NCOR2: variants seen among roughly 807,000 people sequenced by gnomAD.
The protein encoded by NCOR2 is nuclear receptor corepressor 2.
A neutral mutation model predicts 262.9 loss-of-function variants in NCOR2; 81 were observed. The observed-to-expected ratio is 0.31, with a 90% confidence interval of 0.26 to 0.37. NCOR2 has a LOEUF of 0.37. NCOR2 is among the 10% of genes least tolerant of loss of function. NCOR2 has a pLI of 1.00. For synonymous variants in NCOR2, 1,659 were observed against 1,559.3 expected (o/e 1.06, Z -1.51); for missense variants, 3,385 against 3,621.4 (o/e 0.93, Z 1.68).
rs1271827357 is a variant in NCOR2, at chr12:124,337,192, G to T, written c.5688-12C>A. 7 of 1,545,808 alleles carry T rather than the reference G, an allele frequency of 4.5e-6. No homozygotes were observed. The South Asian group carries it at 8.4e-5, about 18-fold the overall frequency. ...AGGTGGAGGTGGACCTGGGGGAGGA[G>T]AGAAGGCGGTCAGGCAGTCATGGGA... is the stretch of plus-strand genomic sequence containing the variant. On this transcript the variant is annotated splice_polypyrimidine_tract_variant and intron_variant, in intron 37 of 46. Transcript: ENST00000405201.
chr12:124,515,115 T>C (rs76131601), intron 1 of NCOR2, among the ~76,000 whole-genome samples: 2,420 of 152,270 alleles, frequency 0.016, 60 homozygotes, highest in African/African-American at 0.056. Flanking sequence ...TCTGTGATCC[T>C]GAGGCACAAA....
chr12:124,491,222 GAC>G (rs1163176202), intron 1 of NCOR2, among the ~76,000 whole-genome samples: 5 of 152,244 alleles, frequency 3.3e-5, no homozygotes, highest in African/African-American at 1.2e-4. Context: ...CTTGGGGCAA[GAC>G]AGAAAAAGCT....
chr12:124,516,435 C>T (rs1431500235), intron 1 of NCOR2, among the ~76,000 whole-genome samples: 3 of 152,220 alleles, frequency 2.0e-5, no homozygotes, highest in Non-Finnish European at 4.4e-5. Flanking sequence ...AGCACCCACT[C>T]GACCTACCTC....
chr12:124,486,223 A>G (rs1487730581), intron 2 of NCOR2, among the ~76,000 whole-genome samples: 1 of 152,168 alleles, frequency 6.6e-6, no homozygotes, highest in Non-Finnish European at 1.5e-5. Context: ...GAGGCCACTG[A>G]AGTTCCACGC....
chr12:124,344,626 G>T (rs1455571371), exon 32 of NCOR2: 2 of 1,464,132 alleles, frequency 1.4e-6, no homozygotes, highest in Non-Finnish European at 9.1e-7. Flanking sequence ...GGGCTCCCGC[G>T]TGGTCACGGG....
chr12:124,460,224 C>A (rs193124404), intron 5 of NCOR2, among the ~76,000 whole-genome samples: 3 of 152,350 alleles, frequency 2.0e-5, no homozygotes, highest in African/African-American at 7.2e-5. Flanking sequence ...CCCACAGTGC[C>A]TGGACAGTGT....
intron 1 of NCOR2, among the ~76,000 whole-genome samples, chr12:124,515,607 G>A (rs2049695337): frequency 6.6e-6 from 1 of 151,992 alleles, no homozygotes; most frequent in Non-Finnish European, 1.5e-5. Context: ...GTGGGTGTCT[G>A]CATGTGAGTA....
chr12:124,398,268 G>A (rs1202633727), intron 15 of NCOR2, 87 bp from the exon 18 acceptor site: 8 of 1,434,176 alleles, frequency 5.6e-6, no homozygotes, highest in Non-Finnish European at 7.8e-6. Context: ...AGCCAGGGAG[G>A]GAGTAGACCA....
At chr12:124,479,501 GCATA>G (rs1565981690) in intron 3 of NCOR2, among the ~76,000 whole-genome samples, 1 of 148,958 alleles carries the variant, frequency 6.7e-6, no homozygotes, top group African/African-American at 2.5e-5. Flanking sequence ...GCACATGCGC[GCATA>G]CACACGCACA....
At chr12:124,372,119 T>A (rs1201300873) in exon 20 of NCOR2, 9 of 1,601,694 alleles carry the variant, frequency 5.6e-6, no homozygotes, top group Non-Finnish European at 7.6e-6. Context: ...TTGGCTGTGG[T>A]GGCCCTGCCG....
chr12:124,500,450 G>A (rs941296741), intron 1 of NCOR2, among the ~76,000 whole-genome samples: 4 of 152,206 alleles, frequency 2.6e-5, no homozygotes, highest in Admixed American at 2.0e-4. Context: ...TGCGGGCTTT[G>A]GTAAGGTTTC....
In NCOR2 at chr12:124,440,648, GAC is replaced by G. The variant is rs1341788054; in HGVS notation, c.816-2654_816-2653del. Among the ~76,000 whole-genome samples, 2 of 152,258 alleles carry G rather than the reference GAC, an allele frequency of 1.3e-5. No individual in the cohort carries two copies. The highest frequency in any genetic ancestry group is 4.8e-5 in the African/African-American group (2 of 41,474). ...GTGCTGGGGACACAGCAGGGAGCAA[GAC>G]ACAGTTGAGGGCTCTCACAGAGGTG... On this transcript the variant is annotated intron_variant, in intron 7 of 46. Coordinates refer to ENST00000405201, the Ensembl canonical transcript of NCOR2. This position sits in a 1 kb window ranked among gnomAD's most constrained non-coding sequence, Gnocchi z 5.7.
At chr12:124,377,649 A>C (rs1202449450) in intron 18 of NCOR2, among the ~76,000 whole-genome samples, 2 of 151,924 alleles carry the variant, frequency 1.3e-5, no homozygotes, top group Non-Finnish European at 2.9e-5. Context: ...GACCAGCCTG[A>C]CCAACATGGC....
At chr12:124,445,661 G>A (rs982083796) in intron 7 of NCOR2, among the ~76,000 whole-genome samples, 22 of 152,074 alleles carry the variant, frequency 1.4e-4, no homozygotes, top group African/African-American at 3.1e-4. Context: ...ACCTGACCCC[G>A]GCTGGATCAT....
intron 1 of NCOR2, among the ~76,000 whole-genome samples, chr12:124,526,775 A>G (rs1325048732): frequency 2.0e-5 from 3 of 152,182 alleles, no homozygotes; most frequent in African/African-American, 7.2e-5. Flanking sequence ...CGTCAGGCAC[A>G]TGAGGTGGCC....
chr12:124,337,714 C>T (rs958012688), intron 37 of NCOR2, among the ~76,000 whole-genome samples: 7 of 151,868 alleles, frequency 4.6e-5, no homozygotes, highest in Admixed American at 2.0e-4. Context: ...TGCCAGGGGG[C>T]GGCCAGGGTG....
chr12:124,437,850 C>A, intron 8 of NCOR2, 80 bp downstream of exon 10: 1 of 1,378,904 alleles, frequency 7.3e-7, no homozygotes, highest in South Asian at 1.3e-5. Flanking sequence ...CTGACAGGGC[C>A]CCGGCAGGTG....
intron 17 of NCOR2, among the ~76,000 whole-genome samples, chr12:124,385,234 A>C (rs567208774): frequency 5.3e-5 from 8 of 152,258 alleles, no homozygotes; most frequent in Non-Finnish European, 1.0e-4. Context: ...GGCCTGCCTC[A>C]AGCCCTCCAG....
intron 10 of NCOR2, 90 bp downstream of exon 12, chr12:124,429,523 C>T: frequency 7.1e-7 from 1 of 1,399,206 alleles, no homozygotes; most frequent in Non-Finnish European, 9.9e-7. Flanking sequence ...CGTAAACCAC[C>T]CGGGAGGTGG....
Sources: allele counts gnomAD v4.1 joint callset (sites outside exome capture counted in the v4.1 genomes callset), GRCh38; gene constraint gnomAD v4.1.1; non-coding constraint Gnocchi (gnomAD v3.1); transcripts MANE v1.5; gene names NCBI Gene and HGNC (gene_info 2026-07-23, HGNC 2026-07-21).